Variants in GRIK4 observed in about 807,000 individuals in gnomAD.
GRIK4 encodes the protein glutamate receptor ionotropic, kainate 4.
GRIK4 carries 40 observed loss-of-function variants against 104.9 expected under a neutral mutation model. The ratio of observed to expected loss-of-function variants is 0.38; its 90% CI spans 0.30 to 0.50. The LOEUF (loss-of-function observed/expected upper bound fraction) is 0.50. Among genes scored for constraint, GRIK4 ranks in the 20% least tolerant of loss-of-function variants. GRIK4 has a pLI of 0.93. For missense variants in GRIK4, 1,047 were observed against 1,308.1 expected, an observed-to-expected ratio of 0.80 and a Z score of 3.08; for synonymous variants, 485 against 524.9, an observed-to-expected ratio of 0.92 and a Z score of 1.04.
At chr11:120,822,039 C>T (rs945351140) in intron 6 of GRIK4, among the ~76,000 whole-genome samples, 2 of 151,708 alleles carry the variant, frequency 1.3e-5, no homozygotes, top group Admixed American at 6.6e-5. Context: ...GTAGAAACCC[C>T]GTTTCTACTG....
intron 1 of GRIK4, among the ~76,000 whole-genome samples, chr11:120,564,169 T>A (rs553155434): frequency 6.6e-6 from 1 of 152,252 alleles, no homozygotes; most frequent in South Asian, 2.1e-4. Flanking sequence ...TCTCCCCACG[T>A]GCGCGCTAGG....
chr11:120,629,671 T>G (rs77096144), intron 1 of GRIK4, among the ~76,000 whole-genome samples: 7,095 of 152,284 alleles, frequency 0.047, 236 homozygotes, highest in South Asian at 0.14. Context: ...TCCCTCCTGC[T>G]CTTTTCCGAT....
At chr11:120,539,649 C>A (rs1948012373) in intron 1 of GRIK4, among the ~76,000 whole-genome samples, 1 of 152,160 alleles carries the variant, frequency 6.6e-6, no homozygotes. Flanking sequence ...AAGTTATTGC[C>A]ATTACCAATA....
At chr11:120,605,781 C>T (rs1948952525) in intron 1 of GRIK4, among the ~76,000 whole-genome samples, 1 of 152,230 alleles carries the variant, frequency 6.6e-6, no homozygotes, top group Non-Finnish European at 1.5e-5. Context: ...TGCCGTGGGC[C>T]TGGTGCAAGA....
At chr11:120,966,147 G>GA (rs1322601852) in intron 18 of GRIK4, among the ~76,000 whole-genome samples, 3 of 152,110 alleles carry the variant, frequency 2.0e-5, no homozygotes, top group South Asian at 2.1e-4. Flanking sequence ...GTACTGAACA[G>GA]AAAAAAACCT....
chr11:120,638,832 A>G (rs1460394436), intron 1 of GRIK4, among the ~76,000 whole-genome samples: 1 of 152,094 alleles, frequency 6.6e-6, no homozygotes, highest in Non-Finnish European at 1.5e-5. Flanking sequence ...TTCAGGGATT[A>G]GAACTATTTT....
intron 1 of GRIK4, among the ~76,000 whole-genome samples, chr11:120,643,004 G>A (rs1350127345): frequency 6.6e-6 from 1 of 152,028 alleles, no homozygotes; most frequent in Non-Finnish European, 1.5e-5. Flanking sequence ...TCTTAACACC[G>A]TGACTGCTCA....
At chr11:120,867,645 G>T (rs1954460538) in intron 9 of GRIK4, among the ~76,000 whole-genome samples, 1 of 152,046 alleles carries the variant, frequency 6.6e-6, no homozygotes, top group Non-Finnish European at 1.5e-5. Context: ...TGGAGAGGGA[G>T]CCCCGTTCTA....
Position 120,559,709 on chromosome 11 carries a change from C to T in GRIK4, c.-159+47822C>T, listed in dbSNP as rs1591694013. ...GGGCAAGTAGGTGATTCTGTTTTCCCACACACCAAGTGGCCCAAGACTGCT... is the reference window on the plus strand; with the variant it reads ...GGGCAAGTAGGTGATTCTGTTTTCCTACACACCAAGTGGCCCAAGACTGCT... On this transcript the variant is annotated intron_variant, in intron 1 of 20. Transcript: ENST00000527524. Among the ~76,000 whole-genome samples, 4 of 152,306 alleles carry T rather than the reference C, an allele frequency of 2.6e-5. No individual in the cohort carries two copies. In the South Asian group the frequency reaches 8.3e-4, roughly 32 times the overall value.
chr11:120,658,869 C>G (rs1176012666), intron 2 of GRIK4, among the ~76,000 whole-genome samples: 8 of 151,190 alleles, frequency 5.3e-5, no homozygotes, highest in Non-Finnish European at 8.8e-5. Flanking sequence ...CTGCCTCAGC[C>G]TCCCGAGCAG....
At chr11:120,872,260 C>T (rs952272713) in intron 9 of GRIK4, 8 of 283,334 alleles carry the variant, frequency 2.8e-5, no homozygotes, top group South Asian at 1.6e-4. Flanking sequence ...TGCCTGGGAT[C>T]ACTCAGCACA....
intron 3 of GRIK4, among the ~76,000 whole-genome samples, chr11:120,670,380 T>G (rs1330581957): frequency 1.3e-5 from 2 of 152,244 alleles, no homozygotes; most frequent in Non-Finnish European, 2.9e-5. Flanking sequence ...GAATAAAAGA[T>G]GAAGTCCTCA....
At chr11:120,980,721 CAA>C (rs930187998) in intron 19 of GRIK4, among the ~76,000 whole-genome samples, 7 of 152,126 alleles carry the variant, frequency 4.6e-5, no homozygotes, top group African/African-American at 1.2e-4. Flanking sequence ...CACAGGTACT[CAA>C]GAGTTGACTG....
chr11:120,847,245 C>T (rs1298147710), intron 8 of GRIK4, among the ~76,000 whole-genome samples: 4 of 152,202 alleles, frequency 2.6e-5, no homozygotes, highest in African/African-American at 7.2e-5. Flanking sequence ...TCCTCACTCA[C>T]ACAGTTCACA....
In GRIK4 at chr11:120,874,117, C is replaced by T. The variant is rs1565407827; in HGVS notation, c.958C>T (p.Gln320Ter). The change falls in exon 10 of 21, where the codon CAG (glutamine) becomes TAG (stop). Residue 320 changes from glutamine to a stop codon, truncating the protein, a stop_gained. Transcript: ENST00000527524. LOFTEE classifies it high-confidence loss of function. ...DAVYAVVTAV[Q>*]ELNRSQEIGV... The stretch of plus-strand genomic sequence containing the variant: ...TGTCTATGCTGTGGTGACTGCGGTG[C>T]AGGAACTGAACCGGAGCCAAGAGAT... 1.2e-6 allele frequency: 2 copies of T among 1,613,970 alleles called. No individual in the cohort carries two copies. Among genetic ancestry groups the T allele is most frequent in the Admixed American group, 1.7e-5 (1 of 60,018 alleles).
At chr11:120,770,034 A>C (rs1031013947) in intron 3 of GRIK4, among the ~76,000 whole-genome samples, 3 of 152,176 alleles carry the variant, frequency 2.0e-5, no homozygotes, top group African/African-American at 7.2e-5. Flanking sequence ...AAACCCATAC[A>C]TTTTAGCAGG....
chr11:120,519,827 C>A (rs1565535963), intron 1 of GRIK4, among the ~76,000 whole-genome samples: 2 of 149,752 alleles, frequency 1.3e-5, no homozygotes, highest in Non-Finnish European at 2.9e-5. Context: ...TAATCCCTCC[C>A]TAATTCCTAG....
At chr11:120,922,746 G>A (rs573676570) in intron 13 of GRIK4, among the ~76,000 whole-genome samples, 2 of 152,240 alleles carry the variant, frequency 1.3e-5, no homozygotes, top group East Asian at 1.9e-4. Flanking sequence ...TGGCGGTGTC[G>A]GCAGCTACAG....
At chr11:120,934,095 C>G (rs908597284) in intron 13 of GRIK4, among the ~76,000 whole-genome samples, 5 of 151,132 alleles carry the variant, frequency 3.3e-5, no homozygotes, top group African/African-American at 1.2e-4. Context: ...GTCCCAGCTA[C>G]TCAGGAGGCT....
Sources: allele counts gnomAD v4.1 joint callset (sites outside exome capture counted in the v4.1 genomes callset), GRCh38; gene constraint gnomAD v4.1.1; transcripts MANE v1.5; gene names NCBI Gene and HGNC (gene_info 2026-07-23, HGNC 2026-07-21).